BEND5: variants seen among roughly 807,000 people sequenced by gnomAD.
BEND5 encodes the protein BEN domain-containing protein 5.
Under a neutral mutation model 43.9 loss-of-function variants are expected in BEND5, and 22 were observed. The ratio of observed to expected loss-of-function variants is 0.50; its 90% CI spans 0.36 to 0.72. BEND5 has a LOEUF of 0.72. Ranked by LOEUF, BEND5 falls within the 30% of genes least tolerant of loss-of-function variation. The pLI is 0.00. For synonymous variants in BEND5, 228 were observed against 225.9 expected (o/e 1.01, Z -0.08); for missense variants, 428 against 550.6 (o/e 0.78, Z 2.23).
chr1:48,769,932 T>G (rs1001821432), intron 1 of BEND5, among the ~76,000 whole-genome samples: 1 of 152,220 alleles, frequency 6.6e-6, no homozygotes, highest in South Asian at 2.1e-4. Flanking sequence ...CTCTCTAAAA[T>G]TTCCTCTTCA....
chr1:48,769,017 C>T (rs1397395612), intron 1 of BEND5, among the ~76,000 whole-genome samples: 3 of 152,164 alleles, frequency 2.0e-5, no homozygotes, highest in Non-Finnish European at 4.4e-5. Flanking sequence ...GACACCAAAT[C>T]GAGGCCTGCC....
chr1:48,741,837 C>G (rs1427271022), intron 4 of BEND5, among the ~76,000 whole-genome samples: 1 of 152,192 alleles, frequency 6.6e-6, no homozygotes, highest in Non-Finnish European at 1.5e-5. Context: ...GAACATAACG[C>G]TAAAGCTGAA....
chr1:48,753,150 A>G (rs898539328), intron 3 of BEND5, among the ~76,000 whole-genome samples: 61 of 152,376 alleles, frequency 4.0e-4, no homozygotes, highest in African/African-American at 1.4e-3. Flanking sequence ...GCCCGAGGCA[A>G]CAAAATTTGA....
chr1:48,771,214 T>C (rs1394570980), intron 1 of BEND5, among the ~76,000 whole-genome samples: 1 of 152,184 alleles, frequency 6.6e-6, no homozygotes, highest in Admixed American at 6.5e-5. Context: ...CGAATGTTCT[T>C]CTGGTAGAAA....
chr1:48,732,500 C>T (rs1403299921), intron 5 of BEND5, among the ~76,000 whole-genome samples: 1 of 151,396 alleles, frequency 6.6e-6, no homozygotes, highest in African/African-American at 2.5e-5. Context: ...ATAGGAAATG[C>T]TATGCAGAGA....
intron 3 of BEND5, among the ~76,000 whole-genome samples, chr1:48,757,694 C>A (rs919310036): frequency 2.0e-5 from 3 of 152,152 alleles, no homozygotes; most frequent in African/African-American, 7.2e-5. Context: ...ATGACACCTA[C>A]AAATATAAGT....
In BEND5 at chr1:48,742,877, G is replaced by T; in HGVS notation, c.746-106C>A. 3.4e-6 allele frequency: 4 copies of T among 1,175,990 alleles called. No homozygotes were observed. The South Asian group carries it at 6.0e-5, about 18-fold the overall frequency. The allele number at this position is 1,175,990 out of a possible 1,614,324, so 72.8% of individuals were successfully genotyped here. A position where few individuals can be genotyped will look rare whatever the true frequency, so the allele number is the denominator to read the frequency against. The stretch of plus-strand genomic sequence containing the variant: ...ACACCATGGCACAAAAAATTTGCTA[G>T]CTTATTTTTGTCCATTGAACTACAC... On this transcript the variant is annotated intron_variant, in intron 3 of 5. Transcript: ENST00000371833.
At position 48,769,631 on chromosome 1, in the gene BEND5, CCA is replaced by C. The variant is rs576885026; in HGVS notation, c.226+6973_226+6974del. 3.1e-3 allele frequency among the ~76,000 whole-genome samples: 474 copies of C among 151,778 alleles called. 2 individuals carry two copies. The highest frequency in any genetic ancestry group is 0.01 in the African/African-American group (422 of 41,346). ...GCTCGTTCCTCTAAGTCATTCCTTT[CCA>C]CAGTGGGCAGTACCCACAACTAAGC... is the stretch of plus-strand genomic sequence containing the variant. On this transcript the variant is annotated intron_variant, in intron 1 of 5. Coordinates refer to ENST00000371833, the MANE Select transcript of BEND5 (RefSeq NM_024603.4).
intron 3 of BEND5, among the ~76,000 whole-genome samples, chr1:48,750,122 G>C (rs766517877): frequency 1.4e-4 from 21 of 152,182 alleles, no homozygotes; most frequent in Admixed American, 8.5e-4. Flanking sequence ...AGCCCTTCCA[G>C]AGTAGGGACC....
intron 1 of BEND5, among the ~76,000 whole-genome samples, chr1:48,772,084 A>G (rs1644864056): frequency 6.6e-6 from 1 of 152,248 alleles, no homozygotes; most frequent in African/African-American, 2.4e-5. Context: ...ACATGGGCAC[A>G]CCAGTGCAGA....
intron 4 of BEND5, among the ~76,000 whole-genome samples, chr1:48,739,730 G>A (rs1224016097): frequency 1.3e-5 from 2 of 152,208 alleles, no homozygotes; most frequent in Non-Finnish European, 2.9e-5. Context: ...GGAGGACACA[G>A]CAACTGTTAC....
chr1:48,764,553 G>A (rs1261577681), intron 1 of BEND5, among the ~76,000 whole-genome samples: 1 of 152,164 alleles, frequency 6.6e-6, no homozygotes, highest in Non-Finnish European at 1.5e-5. Context: ...AGGGAGAGGT[G>A]AGAAGGCAAG....
At chr1:48,751,252 A>G (rs985485215) in intron 3 of BEND5, among the ~76,000 whole-genome samples, 3 of 152,196 alleles carry the variant, frequency 2.0e-5, no homozygotes, top group African/African-American at 7.2e-5. Flanking sequence ...GGGCTTTTAA[A>G]TTAAGCAGGA....
At chr1:48,730,383 G>A (rs1359305419) in intron 5 of BEND5, among the ~76,000 whole-genome samples, 1 of 152,132 alleles carries the variant, frequency 6.6e-6, no homozygotes, top group East Asian at 1.9e-4. Flanking sequence ...ACTTCTCTGG[G>A]TCTCGGTTTC....
At chr1:48,734,148 C>T (rs905951655) in intron 5 of BEND5, among the ~76,000 whole-genome samples, 1 of 152,180 alleles carries the variant, frequency 6.6e-6, no homozygotes, top group African/African-American at 2.4e-5. Flanking sequence ...CGAAAGGTTA[C>T]CTCTGATTAT....
chr1:48,762,965 A>C (rs556123845), intron 1 of BEND5, among the ~76,000 whole-genome samples: 19 of 152,216 alleles, frequency 1.2e-4, no homozygotes, highest in Non-Finnish European at 2.5e-4. Flanking sequence ...GGATGAGAGC[A>C]ATAATTCACG....
chr1:48,750,802 G>A (rs1651606629), intron 3 of BEND5, among the ~76,000 whole-genome samples: 3 of 152,174 alleles, frequency 2.0e-5, no homozygotes, highest in Admixed American at 2.0e-4. Context: ...GCATGGCAGG[G>A]AGACAGCAGA....
rs145897859 is a variant in BEND5 at position 48,728,263 on chromosome 1, G to A, written c.1109-220C>T. 3.9e-4 allele frequency among the ~76,000 whole-genome samples: 59 copies of A among 152,166 alleles called. 1 individual carries two copies. The highest frequency in any genetic ancestry group is 1.3e-3 in the African/African-American group (54 of 41,504). ...TTAAAAGTAATGATAAAGTGTCCACGTGTCCACCACTCAGTGGAGCAGGAT... is the reference window on the plus strand; with the variant it reads ...TTAAAAGTAATGATAAAGTGTCCACATGTCCACCACTCAGTGGAGCAGGAT... On this transcript the variant is annotated intron_variant, in intron 5 of 5. Transcript: ENST00000371833.
intron 3 of BEND5, 22 bp downstream of exon 3, chr1:48,758,878 G>A (rs1464381324): frequency 1.3e-6 from 2 of 1,487,656 alleles, no homozygotes. Context: ...TGGAGTGGTA[G>A]GTGACCTGCT....
Sources: allele counts gnomAD v4.1 joint callset (sites outside exome capture counted in the v4.1 genomes callset), GRCh38; gene constraint gnomAD v4.1.1; transcripts MANE v1.5; gene names NCBI Gene and HGNC (gene_info 2026-07-23, HGNC 2026-07-21).